The following ANKIB1 variants were observed in gnomAD, a reference collection of about 807,000 sequenced individuals.
The protein encoded by ANKIB1 is ankyrin repeat and IBR domain-containing protein 1.
In ANKIB1, 43 loss-of-function variants were observed where a neutral mutation model predicts 122.1. The observed-to-expected ratio is 0.35, with a 90% CI of 0.28 to 0.45. ANKIB1 has a LOEUF of 0.45. Ranked by LOEUF, ANKIB1 falls within the 20% of genes least tolerant of loss-of-function variation. The pLI is 1.00. For synonymous variants in ANKIB1, 390 were observed against 442.0 expected, an observed-to-expected ratio of 0.88 and a Z score of 1.48; for missense variants, 992 against 1,329.5, an observed-to-expected ratio of 0.75 and a Z score of 3.95.
At chr7:92,296,576 T>C (rs761471406) in intron 2 of ANKIB1, among the ~76,000 whole-genome samples, 1 of 152,178 alleles carries the variant, frequency 6.6e-6, no homozygotes, top group Non-Finnish European at 1.5e-5. Context: ...GGAACCTCTC[T>C]CTTTTTAAAA....
Position 92,397,764 on chromosome 7 carries a change from T to C in ANKIB1, c.2437T>C (p.Ser813Pro). ...CAGCAGCAGCCGCAGGCCTGGCACA[T>C]CCGTGGTAAGTTCTGCATCTATGAG... ...GGSSSRRPGT[S>P]VVSSASMSVL... Residue 813 changes from serine to proline, a missense_variant, in exon 19 of 20, where the codon TCC becomes CCC. Transcript: ENST00000265742. The C allele has an allele frequency of 6.2e-7, 1 of 1,611,468 alleles. No homozygotes were observed. Among genetic ancestry groups the C allele is most frequent in the Non-Finnish European group, 8.5e-7 (1 of 1,179,090 alleles).
intron 2 of ANKIB1, among the ~76,000 whole-genome samples, chr7:92,299,152 A>G (rs1802412401): frequency 6.6e-6 from 1 of 152,240 alleles, no homozygotes; most frequent in South Asian, 2.1e-4. Context: ...TGAGCTTTCA[A>G]GTGATTATTA....
chr7:92,317,064 T>C (rs1430503917), intron 3 of ANKIB1, among the ~76,000 whole-genome samples: 1 of 152,146 alleles, frequency 6.6e-6, no homozygotes, highest in Non-Finnish European at 1.5e-5. Context: ...GAGCAGATAG[T>C]CTATTTTGTG....
intron 11 of ANKIB1, 127 bp from the exon 12 acceptor site, chr7:92,386,382 T>G: frequency 9.7e-7 from 1 of 1,028,700 alleles, no homozygotes; most frequent in Non-Finnish European, 1.3e-6. Flanking sequence ...GGGCATGTCT[T>G]TGAGAAGATT....
chr7:92,323,766 A>C (rs1802965453), intron 4 of ANKIB1, among the ~76,000 whole-genome samples: 1 of 152,250 alleles, frequency 6.6e-6, no homozygotes, highest in African/African-American at 2.4e-5. Flanking sequence ...TCAGCCATAA[A>C]AAGGAATGAA....
At position 92,359,543 on chromosome 7, in the gene ANKIB1, T is replaced by A. The variant is rs147320943; in HGVS notation, c.1398-2642T>A. Among the ~76,000 whole-genome samples the A allele has an allele frequency of 7.8e-3, 1,190 of 152,318 alleles. 12 individuals carry two copies. Among genetic ancestry groups the A allele is most frequent in the Middle Eastern group, 0.017 (5 of 294 alleles). ...GCTGCAATAAACATATGTGTGTGTGTGTCTTTATAGCAGCATGATTTATAA... is the reference window on the plus strand; with the variant it reads ...GCTGCAATAAACATATGTGTGTGTGAGTCTTTATAGCAGCATGATTTATAA... On this transcript the variant is annotated intron_variant, in intron 9 of 19. Transcript: ENST00000265742.
intron 1 of ANKIB1, among the ~76,000 whole-genome samples, chr7:92,272,822 TA>T (rs1801824447): frequency 6.6e-6 from 1 of 152,164 alleles, no homozygotes; most frequent in African/African-American, 2.4e-5. Context: ...AGAGTATACT[TA>T]TACCAACCTA....
chr7:92,288,277 T>C (rs1802177227), intron 1 of ANKIB1, among the ~76,000 whole-genome samples: 1 of 152,174 alleles, frequency 6.6e-6, no homozygotes, highest in Non-Finnish European at 1.5e-5. Context: ...AATAGGTACT[T>C]AGGTATAAAT....
At chr7:92,276,001 TTG>T (rs1165906110) in intron 1 of ANKIB1, among the ~76,000 whole-genome samples, 1 of 152,216 alleles carries the variant, frequency 6.6e-6, no homozygotes, top group Non-Finnish European at 1.5e-5. Context: ...CCATATGTCT[TTG>T]TGTGTGGTAT....
At position 92,255,338 on chromosome 7, in the gene ANKIB1, T is replaced by G. The variant is rs1231002683; in HGVS notation, c.-91+8819T>G. On this transcript the variant is annotated intron_variant, in intron 1 of 19. Coordinates refer to ENST00000265742, the MANE Select transcript of ANKIB1 (RefSeq NM_019004.2). ...GCGGCCACAGAAATCCAAAAAAGGG[T>G]CATATAAATAAACAAGGGGGATTAT... is the stretch of plus-strand genomic sequence containing the variant. Among the ~76,000 whole-genome samples, 5 of 152,192 alleles carry G rather than the reference T, an allele frequency of 3.3e-5. No individual in the cohort carries two copies. The South Asian group carries it at 8.3e-4, about 25-fold the overall frequency.
chr7:92,317,369 T>C (rs1445337408), intron 3 of ANKIB1, among the ~76,000 whole-genome samples: 2 of 152,106 alleles, frequency 1.3e-5, no homozygotes, highest in African/African-American at 2.4e-5. Flanking sequence ...TCCCAGGAGA[T>C]ACTACTGGTC....
chr7:92,246,536 C>T lies in ANKIB1; in HGVS notation c.-91+17C>T, dbSNP rs1299161556. 7.7e-6 allele frequency: 4 copies of T among 517,476 alleles called. No individual in the cohort carries two copies. Among genetic ancestry groups the T allele is most frequent in the Admixed American group, 5.8e-5 (3 of 51,458 alleles). The allele number at this position is 517,476 out of a possible 1,614,324, so 32.1% of individuals were successfully genotyped here. ...GAAGTAACCGTAAGTCTCAGCTTCG[C>T]GGTACAGATGTGTTTGAGGCTGCCT... On this transcript the variant is annotated intron_variant, in intron 1 of 19. Transcript: ENST00000265742.
chr7:92,278,993 C>G (rs548856398), intron 1 of ANKIB1, among the ~76,000 whole-genome samples: 59 of 152,126 alleles, frequency 3.9e-4, no homozygotes, highest in Non-Finnish European at 8.2e-4. Flanking sequence ...TACTAGAGAC[C>G]GCTTATGTGA....
At chr7:92,348,088 T>C in intron 7 of ANKIB1, 2 of 364,710 alleles carry the variant, frequency 5.5e-6, no homozygotes, top group Non-Finnish European at 5.3e-6. Flanking sequence ...AAATTTTTAT[T>C]AAATTGTGTC....
chr7:92,368,199 T>TTCACATGCATA (rs1220887611), intron 10 of ANKIB1, among the ~76,000 whole-genome samples: 30 of 152,024 alleles, frequency 2.0e-4, no homozygotes, highest in African/African-American at 7.2e-4. Context: ...AAAGCAACTG[T>TTCACATGCATA]TCACATGCAT....
chr7:92,249,002 G>A (rs750993701), intron 1 of ANKIB1, among the ~76,000 whole-genome samples: 15 of 149,362 alleles, frequency 1.0e-4, no homozygotes, highest in African/African-American at 2.7e-4. Context: ...ATTCTCCTGC[G>A]TCAGCCTCCC....
At chr7:92,376,049 T>C (rs1804371408) in intron 11 of ANKIB1, among the ~76,000 whole-genome samples, 2 of 152,232 alleles carry the variant, frequency 1.3e-5, no homozygotes, top group African/African-American at 2.4e-5. Context: ...AGTGGGCTTA[T>C]AATATTCAGT....
At chr7:92,299,736 G>A (rs1447712698) in intron 2 of ANKIB1, among the ~76,000 whole-genome samples, 1 of 152,064 alleles carries the variant, frequency 6.6e-6, no homozygotes, top group African/African-American at 2.4e-5. Context: ...TAAACATGTT[G>A]TTAATATATA....
chr7:92,285,276 A>T (rs970298087), intron 1 of ANKIB1, among the ~76,000 whole-genome samples: 1 of 152,160 alleles, frequency 6.6e-6, no homozygotes, highest in East Asian at 1.9e-4. Context: ...TGGCCTCCCA[A>T]AGTGCTAGGA....
Sources: allele counts gnomAD v4.1 joint callset (sites outside exome capture counted in the v4.1 genomes callset), GRCh38; gene constraint gnomAD v4.1.1; transcripts MANE v1.5; gene names NCBI Gene and HGNC (gene_info 2026-07-23, HGNC 2026-07-21).